Variants in PDS5A observed in about 807,000 individuals in gnomAD.
PDS5A encodes the protein PDS5 cohesin associated factor A.
PDS5A carries 42 observed loss-of-function variants against 167.1 expected under a neutral mutation model. The ratio of observed to expected loss-of-function variants is 0.25; its 90% CI spans 0.20 to 0.33. The LOEUF (loss-of-function observed/expected upper bound fraction) is 0.33, where lower values mean the gene tolerates loss of function less well. Ranked by LOEUF, PDS5A falls within the 10% of genes least tolerant of loss-of-function variation. PDS5A has a pLI of 1.00. For missense variants in PDS5A, 1,033 were observed against 1,605.9 expected, an observed-to-expected ratio of 0.64 and a Z score of 6.10; for synonymous variants, 553 against 554.6, an observed-to-expected ratio of 1.00 and a Z score of 0.04.
intron 31 of PDS5A, among the ~76,000 whole-genome samples, chr4:39,838,506 G>A (rs922108084): frequency 1.3e-5 from 2 of 152,210 alleles, no homozygotes; most frequent in African/African-American, 4.8e-5. Context: ...AGGATCGCTT[G>A]AGCCCAGGAG....
At chr4:39,952,536 C>T (rs1242005893) in intron 2 of PDS5A, among the ~76,000 whole-genome samples, 2 of 151,750 alleles carry the variant, frequency 1.3e-5, no homozygotes, top group Non-Finnish European at 2.9e-5. Context: ...CATCAAATTC[C>T]TTGGTCTTTC....
At chr4:39,942,046 A>G (rs1165438770) in intron 2 of PDS5A, among the ~76,000 whole-genome samples, 1 of 152,190 alleles carries the variant, frequency 6.6e-6, no homozygotes, top group Admixed American at 6.6e-5. Context: ...GAGTCTCTTT[A>G]GATTTTAAAA....
rs955272026 is a variant in PDS5A at position 39,823,439 on chromosome 4, T to C, written c.*2046A>G. On this transcript the variant is annotated 3_prime_UTR_variant, in exon 33 of 33. Coordinates refer to ENST00000303538, the MANE Select transcript of PDS5A (RefSeq NM_001100399.2). ...TGGTTCTGCTACATTTTATTTAATA[T>C]GATGTAACACTTGGTAATCTAGTAA... is the stretch of plus-strand genomic sequence containing the variant. The C allele has an allele frequency of 6.6e-6, 1 of 152,504 alleles. No individual in the cohort carries two copies. Among genetic ancestry groups the C allele is most frequent in the African/African-American group, 2.4e-5 (1 of 41,422 alleles). 9.4% of individuals were successfully genotyped at this position (152,504 alleles called of 1,614,324 possible). A position where few individuals can be genotyped will look rare whatever the true frequency, so the allele number is the denominator to read the frequency against.
At chr4:39,933,832 C>T (rs1287926867) in intron 2 of PDS5A, among the ~76,000 whole-genome samples, 1 of 152,170 alleles carries the variant, frequency 6.6e-6, no homozygotes, top group Non-Finnish European at 1.5e-5. Context: ...TTCCTAGATT[C>T]CCTTGCAATG....
At chr4:39,826,186 T>A (rs991746460) in intron 32 of PDS5A, among the ~76,000 whole-genome samples, 1 of 50,616 alleles carries the variant, frequency 2.0e-5, no homozygotes, top group Non-Finnish European at 6.1e-5. Context: ...ACTGGCGTGT[T>A]TTTTTTTTTT....
chr4:39,962,157 A>C (rs1472190666), intron 2 of PDS5A, among the ~76,000 whole-genome samples: 1 of 151,760 alleles, frequency 6.6e-6, no homozygotes, highest in African/African-American at 2.4e-5. Flanking sequence ...TCCCGGGTTC[A>C]CGGCATTCTC....
chr4:39,868,777 T>C, intron 22 of PDS5A: 1 of 427,374 alleles, frequency 2.3e-6, no homozygotes, highest in Non-Finnish European at 4.6e-6. Context: ...GTATTATTTA[T>C]TATATTTATT....
intron 31 of PDS5A, 140 bp downstream of exon 31, chr4:39,841,808 G>A (rs540923319): frequency 1.9e-5 from 11 of 574,814 alleles, no homozygotes; most frequent in South Asian, 8.9e-5. Flanking sequence ...TGCGGGAAGC[G>A]GGGAGAAGGT....
chr4:39,912,321 A>G (rs927594695), intron 9 of PDS5A, among the ~76,000 whole-genome samples: 2 of 152,256 alleles, frequency 1.3e-5, no homozygotes, highest in African/African-American at 4.8e-5. Context: ...AACCAAAGTG[A>G]AAAATGAAGC....
At position 39,877,779 on chromosome 4, in the gene PDS5A, GTT is replaced by G. The variant is rs922966624; in HGVS notation, c.1993-628_1993-627del. 5.9e-5 allele frequency among the ~76,000 whole-genome samples: 9 copies of G among 151,544 alleles called. No individual in the cohort carries two copies. The South Asian group carries it at 1.0e-3, about 18-fold the overall frequency. On this transcript the variant is annotated intron_variant, in intron 18 of 32. Coordinates refer to ENST00000303538, the MANE Select transcript of PDS5A (RefSeq NM_001100399.2). ...ACCACCATGCCCGGCTAAATTTTTT[GTT>G]TTTTTTGTAGAGATGAGGTCTAGCT...
chr4:39,914,659 A>T (rs1724194737), intron 8 of PDS5A, among the ~76,000 whole-genome samples: 1 of 152,238 alleles, frequency 6.6e-6, no homozygotes, highest in Non-Finnish European at 1.5e-5. Flanking sequence ...AGTATATGCG[A>T]TAAAAATTCT....
intron 2 of PDS5A, among the ~76,000 whole-genome samples, chr4:39,968,768 G>C (rs1201413529): frequency 4.7e-5 from 7 of 149,708 alleles, no homozygotes; most frequent in Admixed American, 4.7e-4. Flanking sequence ...CTTGCTCAGT[G>C]TATGCTTTTA....
intron 2 of PDS5A, among the ~76,000 whole-genome samples, chr4:39,955,658 C>G (rs1286392643): frequency 6.6e-6 from 1 of 151,838 alleles, no homozygotes; most frequent in Non-Finnish European, 1.5e-5. Flanking sequence ...TGAGGGGAGG[C>G]ATTACTGTGG....
At chr4:39,929,742 TTTATTA>T (rs199898610) in intron 2 of PDS5A, among the ~76,000 whole-genome samples, 6 of 149,856 alleles carry the variant, frequency 4.0e-5, no homozygotes, top group East Asian at 3.9e-4. Context: ...AGTGTAAAAT[TTTATTA>T]TTATTATTTT....
At chr4:39,888,892 T>G (rs1389808063) in intron 17 of PDS5A, among the ~76,000 whole-genome samples, 1 of 152,098 alleles carries the variant, frequency 6.6e-6, no homozygotes, top group African/African-American at 2.4e-5. Flanking sequence ...TAAAGAGAAT[T>G]TGAATGTTTC....
chr4:39,905,121 A>G (rs149763705), intron 11 of PDS5A, among the ~76,000 whole-genome samples: 6 of 152,270 alleles, frequency 3.9e-5, no homozygotes, highest in African/African-American at 1.4e-4. Context: ...CAGTGAATCT[A>G]AAATCCTAGT....
At chr4:39,936,038 G>A (rs1726566661) in intron 2 of PDS5A, among the ~76,000 whole-genome samples, 1 of 149,558 alleles carries the variant, frequency 6.7e-6, no homozygotes, top group African/African-American at 2.4e-5. Flanking sequence ...GCGATAAAAG[G>A]AACCTGACAG....
intron 2 of PDS5A, chr4:39,973,071 G>A: frequency 1.4e-6 from 1 of 702,874 alleles, no homozygotes; most frequent in Non-Finnish European, 2.6e-6. Flanking sequence ...GTTTTTCGAT[G>A]TTTAGATATT....
Position 39,910,233 on chromosome 4 carries a change from A to T in PDS5A, c.1087+11T>A. 7.1e-7 allele frequency: 1 copy of T among 1,415,678 alleles called. No homozygotes were observed. Among genetic ancestry groups the T allele is most frequent in the Non-Finnish European group, 9.9e-7 (1 of 1,008,940 alleles). 87.7% of individuals were successfully genotyped at this position (1,415,678 alleles called of 1,614,324 possible). A position where few individuals can be genotyped will look rare whatever the true frequency, so the allele number is the denominator to read the frequency against. On this transcript the variant is annotated intron_variant, in intron 10 of 32. Coordinates refer to ENST00000303538, the MANE Select transcript of PDS5A (RefSeq NM_001100399.2). ...GTTATGCTAATATGTGTAATAAACC[A>T]GCTAGCTTACCTGTGAGATCCTTCG...
Sources: gnomAD v4.1 joint callset for allele counts (sites outside exome capture counted in the v4.1 genomes callset) on GRCh38, gnomAD v4.1.1 for gene constraint, MANE v1.5 for transcripts, NCBI Gene and HGNC (gene_info 2026-07-23, HGNC 2026-07-21) for gene names.